The following DPP10 variants were observed in gnomAD, a reference collection of about 807,000 sequenced individuals.
DPP10 encodes inactive dipeptidyl peptidase 10.
A neutral mutation model predicts 120.9 loss-of-function variants in DPP10; 33 were observed. The observed-to-expected ratio is 0.27, with a 90% confidence interval of 0.21 to 0.37. The LOEUF is 0.37. Among genes scored for constraint, DPP10 ranks in the 10% least tolerant of loss-of-function variants. DPP10 has a pLI of 1.00. For synonymous variants in DPP10, 337 were observed against 326.1 expected (o/e 1.03, Z -0.36); for missense variants, 816 against 942.8 (o/e 0.87, Z 1.76).
rs565033427 is a variant in DPP10 at position 115,396,239 on chromosome 2, C to A, written c.271+52327C>A. Among the ~76,000 whole-genome samples, 6 of 152,206 alleles carry A rather than the reference C, an allele frequency of 3.9e-5. No individual in the cohort carries two copies. In the South Asian group the frequency reaches 1.2e-3, roughly 32 times the overall value. ...CCTCAGTGTTCCCCCTGTGCCTTTT[C>A]AAGAAGAGTATTTTACCCAGTACAG... On this transcript the variant is annotated intron_variant, in intron 3 of 25. Coordinates refer to ENST00000410059, the MANE Select transcript of DPP10 (RefSeq NM_020868.6).
At chr2:114,693,955 C>T (rs920097693) in intron 1 of DPP10, among the ~76,000 whole-genome samples, 2 of 151,936 alleles carry the variant, frequency 1.3e-5, no homozygotes, top group Middle Eastern at 3.4e-3. Context: ...TACGTGTGCA[C>T]GTGTGTGTAC....
intron 1 of DPP10, among the ~76,000 whole-genome samples, chr2:114,878,043 T>C (rs1308715815): frequency 6.6e-6 from 1 of 151,912 alleles, no homozygotes; most frequent in Non-Finnish European, 1.5e-5. Context: ...AAAATGGAAA[T>C]GACATTACCA....
intron 1 of DPP10, among the ~76,000 whole-genome samples, chr2:114,628,771 C>T (rs1357313923): frequency 6.6e-6 from 1 of 152,114 alleles, no homozygotes; most frequent in African/African-American, 2.4e-5. Context: ...GGCGAACGAA[C>T]GGCTGTCCTT....
intron 5 of DPP10, among the ~76,000 whole-genome samples, chr2:115,581,207 G>A (rs963067083): frequency 5.7e-4 from 86 of 152,144 alleles, no homozygotes; most frequent in South Asian, 6.2e-4. Context: ...GTTGTCACTT[G>A]TGCCCAGCTT....
chr2:114,610,991 A>G (rs1254441978), intron 1 of DPP10, among the ~76,000 whole-genome samples: 4 of 152,148 alleles, frequency 2.6e-5, no homozygotes, highest in African/African-American at 9.7e-5. Flanking sequence ...ATCATCAGGT[A>G]CAGCTTCCCA....
At chr2:115,516,578 T>TG (rs1558785554) in intron 4 of DPP10, among the ~76,000 whole-genome samples, 2 of 150,214 alleles carry the variant, frequency 1.3e-5, no homozygotes, top group African/African-American at 4.9e-5. Context: ...TTCTTTGTTT[T>TG]TTTTTTTTTT....
intron 8 of DPP10, among the ~76,000 whole-genome samples, chr2:115,738,632 C>T (rs1311460683): frequency 6.6e-6 from 1 of 152,130 alleles, no homozygotes; most frequent in Non-Finnish European, 1.5e-5. Context: ...ATGTCACCAC[C>T]ACTGATGATT....
rs567252144 is a variant in DPP10, at chr2:114,955,899, C to T, written c.61-353340C>T. Among the ~76,000 whole-genome samples, 222 of 152,128 alleles carry T rather than the reference C, an allele frequency of 1.5e-3. 1 individual carries two copies. Among genetic ancestry groups the T allele is most frequent in the African/African-American group, 4.8e-3 (200 of 41,524 alleles). ...CATTTGACAACATTTAATATTTTATCATATTAAAAAACTCTCAACAAATTA... is the reference window on the plus strand; with the variant it reads ...CATTTGACAACATTTAATATTTTATTATATTAAAAAACTCTCAACAAATTA... On this transcript the variant is annotated intron_variant, in intron 1 of 25. Coordinates refer to ENST00000410059, the MANE Select transcript of DPP10 (RefSeq NM_020868.6).
intron 1 of DPP10, among the ~76,000 whole-genome samples, chr2:114,633,043 G>A (rs995465606): frequency 2.6e-5 from 4 of 151,644 alleles, no homozygotes; most frequent in African/African-American, 7.3e-5. Context: ...CTTTTCATGG[G>A]CAATCATATT....
chr2:115,111,726 A>AT (rs1013524534), intron 1 of DPP10, among the ~76,000 whole-genome samples: 1 of 152,168 alleles, frequency 6.6e-6, no homozygotes, highest in Non-Finnish European at 1.5e-5. Flanking sequence ...AGCAGGGAAA[A>AT]ATTCAGGCCA....
chr2:114,664,522 A>G (rs1697745898), intron 1 of DPP10, among the ~76,000 whole-genome samples: 1 of 150,676 alleles, frequency 6.6e-6, no homozygotes, highest in Non-Finnish European at 1.5e-5. Flanking sequence ...CCAGCTACTC[A>G]GGAGGCTGAG....
chr2:115,431,181 G>C (rs150348619), intron 3 of DPP10, among the ~76,000 whole-genome samples: 1 of 152,332 alleles, frequency 6.6e-6, no homozygotes, highest in Non-Finnish European at 1.5e-5. Context: ...ATATGAGGCA[G>C]TTTGTCCTGA....
intron 10 of DPP10, 139 bp from the exon 11 acceptor site, chr2:115,753,035 A>G (rs1678947946): frequency 1.7e-6 from 1 of 605,892 alleles, no homozygotes; most frequent in Non-Finnish European, 2.6e-6. Context: ...TTATCTATCT[A>G]TCTATACATA....
intron 1 of DPP10, among the ~76,000 whole-genome samples, chr2:115,289,765 A>G (rs1044689737): frequency 1.3e-5 from 2 of 152,174 alleles, no homozygotes; most frequent in African/African-American, 2.4e-5. Context: ...ACCCTATTCA[A>G]TACTTGGTTC....
At chr2:115,762,509 T>C in intron 11 of DPP10, 63 bp from the exon 12 acceptor site, 1 of 1,593,426 alleles carries the variant, frequency 6.3e-7, no homozygotes, top group South Asian at 1.1e-5. Flanking sequence ...TTTAAAAAAG[T>C]TAAATTTATA....
chr2:115,183,759 C>T (rs2054240016), intron 1 of DPP10, among the ~76,000 whole-genome samples: 1 of 152,064 alleles, frequency 6.6e-6, no homozygotes, highest in South Asian at 2.1e-4. Context: ...GTATATAACT[C>T]TCACAGAGAA....
intron 21 of DPP10, among the ~76,000 whole-genome samples, chr2:115,817,941 A>C (rs1687433570): frequency 6.6e-6 from 1 of 152,172 alleles, no homozygotes; most frequent in Non-Finnish European, 1.5e-5. Flanking sequence ...GGAGAGGAAA[A>C]AGGGAAGCTG....
At chr2:115,071,261 C>T (rs975301934) in intron 1 of DPP10, among the ~76,000 whole-genome samples, 1 of 152,006 alleles carries the variant, frequency 6.6e-6, no homozygotes, top group African/African-American at 2.4e-5. Context: ...GTTCTATACT[C>T]TTTTTTCTTT....
chr2:114,460,308 G>C (rs1678827031), intron 1 of DPP10, among the ~76,000 whole-genome samples: 1 of 152,004 alleles, frequency 6.6e-6, no homozygotes, highest in Admixed American at 6.6e-5. Flanking sequence ...ATCAGTACTA[G>C]TAATGCTCAA....
Sources: allele counts gnomAD v4.1 joint callset (sites outside exome capture counted in the v4.1 genomes callset), GRCh38; gene constraint gnomAD v4.1.1; transcripts MANE v1.5; gene names NCBI Gene and HGNC (gene_info 2026-07-23, HGNC 2026-07-21).